Variants in SGK1 observed in about 807,000 individuals in gnomAD.
The protein encoded by SGK1 is serine/threonine-protein kinase Sgk1.
Under a neutral mutation model 64.2 loss-of-function variants are expected in SGK1, and 26 were observed. That is an observed-to-expected ratio of 0.40 (90% confidence interval 0.30 to 0.56). SGK1 has a LOEUF of 0.56. Among genes scored for constraint, SGK1 ranks in the 20% least tolerant of loss-of-function variants. SGK1 has a pLI of 0.38. For synonymous variants in SGK1, 265 were observed against 239.7 expected (o/e 1.11, Z -0.98); for missense variants, 519 against 645.6 (o/e 0.80, Z 2.12).
chr6:134,218,508 T>C (rs1776026134), intron 2 of SGK1, among the ~76,000 whole-genome samples: 1 of 148,796 alleles, frequency 6.7e-6, no homozygotes, highest in Non-Finnish European at 1.5e-5. Context: ...CTTGGCTCAC[T>C]GCAACCTCCA....
At chr6:134,246,732 A>C (rs1245743890) in intron 2 of SGK1, among the ~76,000 whole-genome samples, 4 of 151,986 alleles carry the variant, frequency 2.6e-5, no homozygotes, top group African/African-American at 9.7e-5. Flanking sequence ...AGCTGGGATT[A>C]CAGGTGCCTG....
chr6:134,206,352 TATATATATATATATATATATATATATA>T (rs1562250180), intron 3 of SGK1, among the ~76,000 whole-genome samples: 8 of 10,152 alleles, frequency 7.9e-4, no homozygotes, highest in Non-Finnish European at 1.8e-3. Context: ...TATATATATA[TATATATATATATATATATATATATATA>T]TATATTTTTT....
chr6:134,173,582 AAG>A lies in SGK1; in HGVS notation c.514-18_514-17del, dbSNP rs1491542399. 8.4e-5 allele frequency: 129 copies of A among 1,541,616 alleles called. No homozygotes were observed. Among genetic ancestry groups the A allele is most frequent in the Non-Finnish European group, 1.1e-4 (125 of 1,133,788 alleles). On this transcript the variant is annotated splice_polypyrimidine_tract_variant and intron_variant, in intron 5 of 13. Transcript: ENST00000367858. The stretch of plus-strand genomic sequence containing the variant: ...AAGGACTTGGCTAGAAAAAAAAAAA[AAG>A]AATTTCTTTTAATACCATTGCTTCA...
At chr6:134,184,955 G>A (rs1204293116) in intron 3 of SGK1, among the ~76,000 whole-genome samples, 3 of 152,168 alleles carry the variant, frequency 2.0e-5, no homozygotes, top group Admixed American at 6.6e-5. Context: ...AAAGTGCTGG[G>A]ATTATAGGCA....
At chr6:134,182,077 C>G (rs1389222109) in intron 3 of SGK1, among the ~76,000 whole-genome samples, 1 of 151,866 alleles carries the variant, frequency 6.6e-6, no homozygotes, top group Non-Finnish European at 1.5e-5. Flanking sequence ...AGGCTGATCT[C>G]AAACTCCTGA....
chr6:134,239,803 T>C (rs1776415823), intron 2 of SGK1, among the ~76,000 whole-genome samples: 1 of 152,162 alleles, frequency 6.6e-6, no homozygotes, highest in African/African-American at 2.4e-5. Flanking sequence ...TATCTGCAAA[T>C]TATGCACAGC....
At position 134,272,992 on chromosome 6, in the gene SGK1, A is replaced by G. The variant is rs73776541; in HGVS notation, c.70-10844T>C. 1.4e-3 allele frequency among the ~76,000 whole-genome samples: 208 copies of G among 148,356 alleles called. 7 individuals carry two copies. The highest frequency in any genetic ancestry group is 4.8e-3 in the African/African-American group (198 of 41,298). On this transcript the variant is annotated intron_variant, in intron 1 of 13. Coordinates refer to ENST00000367858, the MANE Select transcript of SGK1 (RefSeq NM_001143676.3). ...AAGAAATTTAATGTTGACCATCGAA[A>G]GAGGATGCTTGCATTTCAGAGGGGC...
chr6:134,172,501 T>TCC (rs1775062491), intron 9 of SGK1, 161 bp downstream of exon 9: 1 of 788,484 alleles, frequency 1.3e-6, no homozygotes, highest in African/African-American at 1.7e-5. Context: ...CTTGGCTGGT[T>TCC]CCCCCTTGGC....
At chr6:134,273,549 CG>C (rs1357177208) in intron 1 of SGK1, among the ~76,000 whole-genome samples, 1 of 130,310 alleles carries the variant, frequency 7.7e-6, no homozygotes, top group Non-Finnish European at 1.6e-5. Flanking sequence ...GCCGAGATCC[CG>C]CCACTGCACT....
At chr6:134,246,644 G>A (rs998971069) in intron 2 of SGK1, among the ~76,000 whole-genome samples, 1 of 152,108 alleles carries the variant, frequency 6.6e-6, no homozygotes, top group Non-Finnish European at 1.5e-5. Flanking sequence ...CCAGGCTGGA[G>A]TGCAGTGGTG....
intron 2 of SGK1, among the ~76,000 whole-genome samples, chr6:134,213,729 G>T (rs931667741): frequency 6.6e-6 from 1 of 152,178 alleles, no homozygotes; most frequent in Middle Eastern, 3.4e-3. Context: ...CTGGAGTTTG[G>T]CTCCTGGCTG....
rs989537274 is a variant in SGK1, at chr6:134,304,066, T to C, written c.69+13326A>G. On this transcript the variant is annotated intron_variant, in intron 1 of 13. Transcript: ENST00000367858. ...ATCTAAGTCTATCTTAAGAACATGT[T>C]ACTGTGAGGATGCCCAAGCTATGTG... 4.6e-5 allele frequency among the ~76,000 whole-genome samples: 7 copies of C among 152,294 alleles called. No individual in the cohort carries two copies. In the East Asian group the frequency reaches 1.4e-3, roughly 29 times the overall value.
intron 2 of SGK1, among the ~76,000 whole-genome samples, chr6:134,247,523 A>G (rs950074295): frequency 1.4e-4 from 21 of 152,350 alleles, no homozygotes; most frequent in Middle Eastern, 6.8e-3. Flanking sequence ...AGTGCACAGT[A>G]TATGTCACAA....
intron 3 of SGK1, among the ~76,000 whole-genome samples, chr6:134,199,684 G>T (rs1160025015): frequency 6.7e-6 from 1 of 149,686 alleles, no homozygotes; most frequent in Non-Finnish European, 1.5e-5. Flanking sequence ...ATATATATAT[G>T]AACAACGCAT....
intron 1 of SGK1, among the ~76,000 whole-genome samples, chr6:134,301,582 TCTTCC>T (rs1369686188): frequency 2.8e-5 from 3 of 108,134 alleles, no homozygotes; most frequent in East Asian, 2.6e-4. Flanking sequence ...TCTTCTCTTC[TCTTCC>T]CTTCTCTTCT....
rs1223244275 is a variant in SGK1 at position 134,263,383 on chromosome 6, C to T, written c.70-1235G>A. Among the ~76,000 whole-genome samples, 5 of 151,286 alleles carry T rather than the reference C, an allele frequency of 3.3e-5. No individual in the cohort carries two copies. The East Asian group carries it at 7.8e-4, about 23-fold the overall frequency. The stretch of plus-strand genomic sequence containing the variant: ...TCTGGAGTAGCTGAGACCACAGGCT[C>T]GCACCATCACACTACTAATTTTTTT... On this transcript the variant is annotated intron_variant, in intron 1 of 13. Transcript: ENST00000367858.
chr6:134,232,413 G>GAAAGAA (rs79009962), intron 2 of SGK1, among the ~76,000 whole-genome samples: 3 of 47,706 alleles, frequency 6.3e-5, no homozygotes, highest in African/African-American at 2.4e-4. Context: ...AAGAAAGAAA[G>GAAAGAA]AGAAAGAAAG....
chr6:134,283,360 A>C (rs576252671), intron 1 of SGK1, among the ~76,000 whole-genome samples: 1 of 152,112 alleles, frequency 6.6e-6, no homozygotes, highest in African/African-American at 2.4e-5. Context: ...GCGTGGTGGC[A>C]CGTGCCTGTA....
At chr6:134,259,895 G>A (rs1010809015) in intron 2 of SGK1, 2 of 152,202 alleles carry the variant, frequency 1.3e-5, no homozygotes, top group Admixed American at 1.3e-4. Flanking sequence ...GATCAGCAAA[G>A]TGCTAACCCA....
Sources: allele counts gnomAD v4.1 joint callset (sites outside exome capture counted in the v4.1 genomes callset), GRCh38; gene constraint gnomAD v4.1.1; transcripts MANE v1.5; gene names NCBI Gene and HGNC (gene_info 2026-07-23, HGNC 2026-07-21).